The following FAT3 variants were observed in gnomAD, a reference collection of about 807,000 sequenced individuals.
FAT3 encodes protocadherin Fat 3.
A neutral mutation model predicts 310.2 loss-of-function variants in FAT3; 95 were observed. That is an observed-to-expected ratio of 0.31 (90% CI 0.26 to 0.36). The LOEUF is 0.36. FAT3 is among the 10% of genes least tolerant of loss of function. The pLI is 1.00. For missense variants in FAT3, 5,408 were observed against 5,715.6 expected, an observed-to-expected ratio of 0.95 and a Z score of 1.74; for synonymous variants, 2,314 against 2,192.9, an observed-to-expected ratio of 1.06 and a Z score of -1.54.
At chr11:92,594,280 TAAAATTACA>T (rs1195894864) in intron 3 of FAT3, among the ~76,000 whole-genome samples, 1 of 152,136 alleles carries the variant, frequency 6.6e-6, no homozygotes, top group Non-Finnish European at 1.5e-5. Flanking sequence ...CTGTCTCTAC[TAAAATTACA>T]AAAATTATCT....
chr11:92,273,737 T>A (rs1946189612), intron 1 of FAT3, among the ~76,000 whole-genome samples: 1 of 152,090 alleles, frequency 6.6e-6, no homozygotes, highest in Admixed American at 6.6e-5. Flanking sequence ...TTCTGAGGAT[T>A]AAGTTAATGT....
intron 3 of FAT3, among the ~76,000 whole-genome samples, chr11:92,549,169 G>C (rs2135431919): frequency 6.6e-6 from 1 of 152,138 alleles, no homozygotes; most frequent in East Asian, 1.9e-4. Context: ...AAAGGTAATA[G>C]ATACTATTGG....
chr11:92,463,473 G>A (rs1206720884), intron 2 of FAT3, among the ~76,000 whole-genome samples: 2 of 152,120 alleles, frequency 1.3e-5, no homozygotes, highest in East Asian at 3.9e-4. Flanking sequence ...GTAAAATGGG[G>A]TTGAATACTA....
At chr11:92,818,427 C>T (rs187718610) in intron 13 of FAT3, among the ~76,000 whole-genome samples, 5 of 152,236 alleles carry the variant, frequency 3.3e-5, no homozygotes, top group East Asian at 3.9e-4. Flanking sequence ...TGGCTCTGTC[C>T]GTGTCTTCCA....
chr11:92,226,935 G>A (rs1479391637), intron 1 of FAT3, among the ~76,000 whole-genome samples: 1 of 152,076 alleles, frequency 6.6e-6, no homozygotes, highest in Non-Finnish European at 1.5e-5. Context: ...ACTCTGGCGC[G>A]TTTGTTTTCC....
chr11:92,732,329 A>G (rs948962934), intron 4 of FAT3, among the ~76,000 whole-genome samples: 5 of 152,172 alleles, frequency 3.3e-5, no homozygotes, highest in South Asian at 2.1e-4. Context: ...ATAACAATCA[A>G]TGCTCCTGGA....
At chr11:92,303,876 A>G (rs925130519) in intron 1 of FAT3, among the ~76,000 whole-genome samples, 3 of 152,134 alleles carry the variant, frequency 2.0e-5, no homozygotes, top group Admixed American at 1.3e-4. Flanking sequence ...GCCTATTCAA[A>G]TGTAGTTTAG....
rs780129800 is a variant in FAT3 at position 92,229,492 on chromosome 11, G to GTTTTTTTTTTTTTTTTTT, written c.-18+4332_-18+4333insTTTTTTTTTTTTTTTTTT. On this transcript the variant is annotated intron_variant, in intron 1 of 27. Transcript: ENST00000525166. The stretch of plus-strand genomic sequence containing the variant: ...TTGTTTTCTTTTTTTGTTTTTTCGT[G>GTTTTTTTTTTTTTTTTTT]TTTTTTTTTTTTTTGTTTTTTGTTT... Among the ~76,000 whole-genome samples the GTTTTTTTTTTTTTTTTTT allele has an allele frequency of 8.1e-4, 49 of 60,236 alleles. 6 individuals carry two copies. Among genetic ancestry groups the GTTTTTTTTTTTTTTTTTT allele is most frequent in the African/African-American group, 2.6e-3 (43 of 16,858 alleles). 39.5% of individuals were successfully genotyped at this position (60,236 alleles called of 152,430 possible).
intron 2 of FAT3, among the ~76,000 whole-genome samples, chr11:92,405,285 G>C (rs1275388668): frequency 6.6e-6 from 1 of 152,128 alleles, no homozygotes; most frequent in Non-Finnish European, 1.5e-5. Flanking sequence ...GAGGATCACA[G>C]GCATCATGGA....
At position 92,352,832 on chromosome 11, in the gene FAT3, G is replaced by T. The variant is rs183973334; in HGVS notation, c.720G>T (p.Leu240=). ...EILAVDRGMK[L]YGNNGVSSTA... is the part of the protein sequence containing the mutation. ...TGGCTGTGGACCGGGGAATGAAACT[G>T]TATGGGAACAATGGAGTGAGCAGTA... Residue 240 remains leucine (L), a synonymous_variant, in exon 2 of 28, where the codon CTG becomes CTT. Coordinates refer to ENST00000525166, the MANE Select transcript of FAT3 (RefSeq NM_001367949.2). The T allele has an allele frequency of 3.6e-4, 577 of 1,613,960 alleles. 5 individuals carry two copies. In the African/African-American group the frequency reaches 6.9e-3, roughly 19 times the overall value.
At chr11:92,555,353 C>T (rs2135452371) in intron 3 of FAT3, among the ~76,000 whole-genome samples, 1 of 152,284 alleles carries the variant, frequency 6.6e-6, no homozygotes, top group African/African-American at 2.4e-5. Flanking sequence ...TGTAACTTTG[C>T]ATTGGAAATA....
intron 1 of FAT3, among the ~76,000 whole-genome samples, chr11:92,292,890 G>A (rs1297623413): frequency 6.6e-6 from 1 of 152,020 alleles, no homozygotes; most frequent in African/African-American, 2.4e-5. Context: ...GTTCTCGCTT[G>A]TAGTCACTGC....
chr11:92,618,686 C>T (rs1374148487), intron 3 of FAT3, among the ~76,000 whole-genome samples: 1 of 152,102 alleles, frequency 6.6e-6, no homozygotes, highest in Non-Finnish European at 1.5e-5. Context: ...ATTTTTTATA[C>T]TTTGAGCTCA....
chr11:92,694,137 C>A (rs1187288074), intron 3 of FAT3, among the ~76,000 whole-genome samples: 1 of 152,162 alleles, frequency 6.6e-6, no homozygotes, highest in Non-Finnish European at 1.5e-5. Context: ...AATTATGCAA[C>A]CATCACCATA....
intron 2 of FAT3, among the ~76,000 whole-genome samples, chr11:92,441,642 A>C (rs369158505): frequency 7.7e-6 from 1 of 129,082 alleles, no homozygotes; most frequent in Non-Finnish European, 1.6e-5. Context: ...ATTTAAAACT[A>C]AAAACAAAAC....
chr11:92,258,323 C>T (rs1425275856), intron 1 of FAT3, among the ~76,000 whole-genome samples: 2 of 152,068 alleles, frequency 1.3e-5, no homozygotes, highest in Non-Finnish European at 2.9e-5. Context: ...AAGTCATGGA[C>T]AGGAGAAACT....
intron 3 of FAT3, among the ~76,000 whole-genome samples, chr11:92,581,692 G>T (rs1270190382): frequency 6.6e-6 from 1 of 151,952 alleles, no homozygotes; most frequent in Non-Finnish European, 1.5e-5. Context: ...ATTTGCCATT[G>T]CACCTTGCTC....
intron 3 of FAT3, among the ~76,000 whole-genome samples, chr11:92,661,804 A>T (rs549671345): frequency 6.6e-6 from 1 of 152,232 alleles, no homozygotes; most frequent in East Asian, 1.9e-4. Context: ...ATTTTTTCCT[A>T]ATATAAGCCC....
chr11:92,456,635 G>A (rs1019614483), intron 2 of FAT3, among the ~76,000 whole-genome samples: 1 of 152,032 alleles, frequency 6.6e-6, no homozygotes, highest in East Asian at 1.9e-4. Context: ...TGATATGTTA[G>A]CTTTTCATAT....
Sources: gnomAD v4.1 joint callset for allele counts (sites outside exome capture counted in the v4.1 genomes callset) on GRCh38, gnomAD v4.1.1 for gene constraint, MANE v1.5 for transcripts, NCBI Gene and HGNC (gene_info 2026-07-23, HGNC 2026-07-21) for gene names.